Variants in ZNF610 observed in about 807,000 individuals in gnomAD.
The protein encoded by ZNF610 is zink finger protein.
ZNF610 carries 14 observed loss-of-function variants against 14.1 expected under a neutral mutation model. The observed-to-expected ratio is 0.99, with a 90% confidence interval of 0.65 to 1.55. ZNF610 has a LOEUF of 1.55. ZNF610 is among the 40% of genes most tolerant of loss of function. The probability of loss-of-function intolerance (pLI) is 0.00; values close to 1 mark genes in which losing one functional copy is unlikely to be tolerated. For missense variants in ZNF610, 530 were observed against 558.0 expected, an observed-to-expected ratio of 0.95 and a Z score of 0.51; for synonymous variants, 185 against 187.6, an observed-to-expected ratio of 0.99 and a Z score of 0.11.
intron 1 of ZNF610, among the ~76,000 whole-genome samples, chr19:52,345,751 C>T (rs1431857405): frequency 6.6e-6 from 1 of 151,964 alleles, no homozygotes; most frequent in Non-Finnish European, 1.5e-5. Context: ...GTCGCCCAGG[C>T]TGGAGTGCAG....
intron 1 of ZNF610, among the ~76,000 whole-genome samples, chr19:52,338,054 C>T (rs996180470): frequency 6.6e-6 from 1 of 152,240 alleles, no homozygotes. Flanking sequence ...TCATCAGACA[C>T]CACCTGGGTG....
At chr19:52,339,260 AT>A (rs1984548341) in intron 1 of ZNF610, among the ~76,000 whole-genome samples, 1 of 151,710 alleles carries the variant, frequency 6.6e-6, no homozygotes, top group Non-Finnish European at 1.5e-5. Flanking sequence ...CCTTCCTCTT[AT>A]CTTAACTGCA....
At chr19:52,345,674 C>T (rs1434261446) in intron 1 of ZNF610, 1 of 152,052 alleles carries the variant, frequency 6.6e-6, no homozygotes, top group African/African-American at 2.4e-5. Context: ...AACTCCAACA[C>T]CAATAGGTGT....
chr19:52,361,293 C>T (rs2122278910), intron 5 of ZNF610, among the ~76,000 whole-genome samples: 1 of 152,160 alleles, frequency 6.6e-6, no homozygotes. Context: ...ATTCTCCTGC[C>T]TCAGCCTCCT....
intron 1 of ZNF610, among the ~76,000 whole-genome samples, chr19:52,339,480 C>T (rs745440394): frequency 1.5e-4 from 23 of 152,132 alleles, no homozygotes; most frequent in Admixed American, 4.6e-4. Flanking sequence ...TGGAGAATGG[C>T]GATGACTTTT....
rs1985131817 is a variant in ZNF610, at chr19:52,349,355, T to G, written c.63+120T>G. The stretch of plus-strand genomic sequence containing the variant: ...TTCCCTCAGTCCCTTTCATCTCGCT[T>G]AGATTCTATCTCTCGTGACCCAGTG... On this transcript the variant is annotated intron_variant, in intron 3 of 5. Coordinates refer to ENST00000403906, the MANE Select transcript of ZNF610 (RefSeq NM_001161425.2). The G allele has an allele frequency of 1.1e-5, 15 of 1,371,456 alleles. No homozygotes were observed. The South Asian group carries it at 1.8e-4, about 16-fold the overall frequency. 85.0% of individuals were successfully genotyped at this position (1,371,456 alleles called of 1,614,324 possible).
intron 3 of ZNF610, among the ~76,000 whole-genome samples, chr19:52,350,190 A>G (rs1568649185): frequency 6.6e-6 from 1 of 152,102 alleles, no homozygotes; most frequent in South Asian, 2.1e-4. Flanking sequence ...GCAATTAGTT[A>G]TTTTTTTATG....
At chr19:52,335,278 TC>T (rs1041435549), upstream of ZNF610, among the ~76,000 whole-genome samples, 3 of 152,074 alleles carry the variant, frequency 2.0e-5, no homozygotes, top group Admixed American at 6.5e-5. Flanking sequence ...AGACTCCGTC[TC>T]AAGAAAAAAA....
At chr19:52,349,260 G>T in intron 3 of ZNF610, 25 bp downstream of exon 3, 1 of 1,598,162 alleles carries the variant, frequency 6.3e-7, no homozygotes, top group Non-Finnish European at 8.5e-7. Flanking sequence ...TCGGTGGTTG[G>T]TTCTCTCTGT....
At position 52,365,887 on chromosome 19, in the gene ZNF610, G is replaced by C. The variant is rs372991875; in HGVS notation, c.509G>C (p.Ser170Thr). 2 of 1,612,952 alleles carry C rather than the reference G, an allele frequency of 1.2e-6. No homozygotes were observed. The highest frequency in any genetic ancestry group is 8.5e-7 in the Non-Finnish European group (1 of 1,179,726). ...TCACCACTTCAAAAAATTTCTTCTA[G>C]TTTCACAACACACATTTTTAATAAA... is the stretch of plus-strand genomic sequence containing the variant. Reference protein sequence around the residue: ...SVSPLQKISSSFTTHIFNKYR... With the variant: ...SVSPLQKISSTFTTHIFNKYR... Residue 170 changes from serine (S) to threonine (T), a missense_variant, in exon 6 of 6, where the codon AGT becomes ACT. Coordinates refer to ENST00000403906, the MANE Select transcript of ZNF610 (RefSeq NM_001161425.2).
Position 52,366,413 on chromosome 19 carries a change from A to G in ZNF610, c.1035A>G (p.Lys345=), listed in dbSNP as rs1399660665. The G allele has an allele frequency of 1.2e-6, 2 of 1,614,168 alleles. No homozygotes were observed. Among genetic ancestry groups the G allele is most frequent in the Admixed American group, 1.7e-5 (1 of 60,022 alleles). ...QRSHTAEKPY[K]CNECGKVFSL... ...GTCACACGGCGGAAAAACCTTACAA[A>G]TGTAATGAATGTGGCAAGGTCTTTA... The change falls in exon 6 of 6, where the codon AAA becomes AAG. Residue 345 remains lysine (K), a synonymous_variant. Coordinates refer to ENST00000403906, the MANE Select transcript of ZNF610 (RefSeq NM_001161425.2).
intron 1 of ZNF610, among the ~76,000 whole-genome samples, chr19:52,337,550 AAAAT>A (rs1240033928): frequency 7.2e-5 from 11 of 152,074 alleles, no homozygotes. Context: ...GAGGGGCAGA[AAAAT>A]AAGCCAATTC....
intron 1 of ZNF610, among the ~76,000 whole-genome samples, chr19:52,342,815 G>A (rs1216029784): frequency 6.6e-6 from 1 of 152,024 alleles, no homozygotes; most frequent in Non-Finnish European, 1.5e-5. Flanking sequence ...GTGAGCCACC[G>A]CGCCTGGCCC....
At chr19:52,332,084 G>A (rs11084148), upstream of ZNF610, among the ~76,000 whole-genome samples, 80,205 of 152,044 alleles carry the variant, frequency 0.53, 21,297 homozygotes, top group South Asian at 0.56. This position sits in a 1 kb window ranked among gnomAD's most constrained non-coding sequence, Gnocchi z 4.1. Flanking sequence ...CGAGTCTGCC[G>A]GCAGCGGATA....
chr19:52,337,300 C>G (rs1175256570), intron 1 of ZNF610, among the ~76,000 whole-genome samples: 2 of 151,154 alleles, frequency 1.3e-5, no homozygotes, highest in African/African-American at 4.9e-5. Context: ...ATGGGGAGGC[C>G]TGGGATCCGG....
Position 52,349,137 on chromosome 19 carries a change from G to T in ZNF610, c.-19-17G>T. On this transcript the variant is annotated splice_polypyrimidine_tract_variant and intron_variant, in intron 2 of 5. Coordinates refer to ENST00000403906, the MANE Select transcript of ZNF610 (RefSeq NM_001161425.2). ...GTGTTGATTCCGAGCAGTAATCAGT[G>T]TATTTTTGACATTTAGGATTGACTT... 1 of 1,591,774 alleles carries T rather than the reference G, an allele frequency of 6.3e-7. No individual in the cohort carries two copies.
chr19:52,330,628 A>T, the ZNF610 span, among the ~76,000 whole-genome samples: 34 of 152,312 alleles, frequency 2.2e-4, no homozygotes, highest in South Asian at 6.2e-4. Context: ...TTTTATTTCC[A>T]TGGACCCTGG....
At chr19:52,354,159 A>G in intron 4 of ZNF610, 92 bp from the exon 5 acceptor site, 2 of 1,528,518 alleles carry the variant, frequency 1.3e-6, no homozygotes, top group Non-Finnish European at 1.8e-6. Context: ...ATTATTCTTG[A>G]TCCATTTGCG....
At chr19:52,333,695 A>G (rs768888917), upstream of ZNF610, among the ~76,000 whole-genome samples, 3 of 152,268 alleles carry the variant, frequency 2.0e-5, no homozygotes, top group Non-Finnish European at 4.4e-5. Context: ...AAAGCTAGGC[A>G]TGTAAAACCA....
Sources: allele counts gnomAD v4.1 joint callset (sites outside exome capture counted in the v4.1 genomes callset), GRCh38; gene constraint gnomAD v4.1.1; non-coding constraint Gnocchi (gnomAD v3.1); transcripts MANE v1.5; gene names NCBI Gene and HGNC (gene_info 2026-07-23, HGNC 2026-07-21).